The following SASH1 variants were observed in gnomAD, a reference collection of about 807,000 sequenced individuals.
SASH1 encodes SAM and SH3 domain containing 1.
A neutral mutation model predicts 125.2 loss-of-function variants in SASH1; 44 were observed. That is an observed-to-expected ratio of 0.35 (90% confidence interval 0.28 to 0.45). The LOEUF is 0.45. SASH1 is among the 20% of genes least tolerant of loss of function. The pLI is 1.00. For missense variants in SASH1, 1,426 were observed against 1,614.5 expected, an observed-to-expected ratio of 0.88 and a Z score of 2.00; for synonymous variants, 639 against 649.1, an observed-to-expected ratio of 0.98 and a Z score of 0.24.
At chr6:148,384,782 A>G (rs1783293130) in intron 1 of SASH1, among the ~76,000 whole-genome samples, 1 of 152,188 alleles carries the variant, frequency 6.6e-6, no homozygotes, top group Non-Finnish European at 1.5e-5. Context: ...TGCATTTTGA[A>G]TGTATACAAT....
chr6:148,343,308 A>G lies in SASH1; in HGVS notation c.156+85A>G, dbSNP rs1282797657. On this transcript the variant is annotated intron_variant, in intron 1 of 19. Coordinates refer to ENST00000367467, the MANE Select transcript of SASH1 (RefSeq NM_015278.5). ...CCGGGGGCTCCCTTCTCGCCCACCC[A>G]CTGGGCAACCCACTCCGCAGAGGCG... 33 of 1,348,648 alleles carry G rather than the reference A, an allele frequency of 2.4e-5. 1 individual carries two copies. Among genetic ancestry groups the G allele is most frequent in the Non-Finnish European group, 3.1e-5 (30 of 981,210 alleles). The allele number at this position is 1,348,648 out of a possible 1,614,324, so 83.5% of individuals were successfully genotyped here. A position where few individuals can be genotyped will look rare whatever the true frequency, so the allele number is the denominator to read the frequency against.
chr6:148,386,356 C>G (rs1022812667), intron 1 of SASH1, among the ~76,000 whole-genome samples: 2 of 151,964 alleles, frequency 1.3e-5, no homozygotes, highest in African/African-American at 4.8e-5. Flanking sequence ...AGTTTTTTTC[C>G]CAGTGGTCTT....
chr6:148,517,021 G>A (rs564092994), intron 9 of SASH1, among the ~76,000 whole-genome samples: 1 of 152,138 alleles, frequency 6.6e-6, no homozygotes, highest in Non-Finnish European at 1.5e-5. Flanking sequence ...CTGTGTCTTT[G>A]CCACAGAATG....
At chr6:148,253,872 AAAAT>A in the SASH1 span, among the ~76,000 whole-genome samples, 3 of 152,008 alleles carry the variant, frequency 2.0e-5, no homozygotes, top group Non-Finnish European at 2.9e-5. Context: ...CTCTGTCTCA[AAAAT>A]AAATAAATAA....
chr6:148,298,777 A>T (rs954012053), intron 1 of SASH1, among the ~76,000 whole-genome samples: 1 of 145,218 alleles, frequency 6.9e-6, no homozygotes. Context: ...AGAAAAAAGA[A>T]AGAACAAAAG....
the SASH1 span, among the ~76,000 whole-genome samples, chr6:148,244,381 G>T: frequency 6.6e-6 from 1 of 152,214 alleles, no homozygotes; most frequent in East Asian, 1.9e-4. Flanking sequence ...CACAGGCCTT[G>T]GTCTTTCCCA....
At chr6:148,342,574 T>A (rs865904454), upstream of SASH1, 1 of 152,114 alleles carries the variant, frequency 6.6e-6, no homozygotes, top group Non-Finnish European at 1.5e-5. Flanking sequence ...GAGAGAGTCA[T>A]GTGGAGCTGG....
chr6:148,341,161 T>C (rs1017112174), upstream of SASH1, among the ~76,000 whole-genome samples: 1 of 151,970 alleles, frequency 6.6e-6, no homozygotes, highest in Non-Finnish European at 1.5e-5. Context: ...ACTTTTTTTT[T>C]CTTTGGAGAC....
At chr6:148,262,879 A>AAAAG in the SASH1 span, among the ~76,000 whole-genome samples, 1 of 152,190 alleles carries the variant, frequency 6.6e-6, no homozygotes, top group Non-Finnish European at 1.5e-5. Flanking sequence ...GTCTCAAAAG[A>AAAAG]AAAGAAAGAA....
intron 2 of SASH1, among the ~76,000 whole-genome samples, chr6:148,424,937 C>T (rs1401974999): frequency 6.6e-6 from 1 of 152,182 alleles, no homozygotes; most frequent in Admixed American, 6.5e-5. Flanking sequence ...TTAAGAAGCC[C>T]TCCAGGGATT....
chr6:148,385,498 A>T (rs757663542), intron 1 of SASH1, among the ~76,000 whole-genome samples: 5 of 152,136 alleles, frequency 3.3e-5, no homozygotes, highest in Non-Finnish European at 7.4e-5. Flanking sequence ...ATTTTTTTGT[A>T]TGTTAATGAG....
chr6:148,512,004 C>CATTTATTTATTTATTTATTT (rs79447361), intron 8 of SASH1, among the ~76,000 whole-genome samples: 1,461 of 129,080 alleles, frequency 0.011, 29 homozygotes, highest in African/African-American at 0.036. Flanking sequence ...TTGATTTCAA[C>CATTTATTTATTTATTTATTT]ATTTATTTAT....
chr6:148,547,049 TC>T (rs1178024034), intron 19 of SASH1, among the ~76,000 whole-genome samples: 1 of 152,210 alleles, frequency 6.6e-6, no homozygotes, highest in Non-Finnish European at 1.5e-5. Flanking sequence ...GATAGAAGAT[TC>T]GTTTTCACTG....
chr6:148,324,176 AG>A (rs1419591703), intron 1 of SASH1, among the ~76,000 whole-genome samples: 2 of 148,906 alleles, frequency 1.3e-5, no homozygotes, highest in East Asian at 4.0e-4. Context: ...GGCAAATGGG[AG>A]GGCAGCAGGC....
Position 148,427,423 on chromosome 6 carries a change from C to T in SASH1, c.286-12761C>T, listed in dbSNP as rs1339986132. On this transcript the variant is annotated intron_variant, in intron 2 of 19. Transcript: ENST00000367467. ...ATGATTACATTTATATAACATGACA[C>T]TCTGGTGTTTTGTACACTGTAAAAG... is the stretch of plus-strand genomic sequence containing the variant. Among the ~76,000 whole-genome samples the T allele has an allele frequency of 2.6e-5, 4 of 152,272 alleles. No individual in the cohort carries two copies. In the East Asian group the frequency reaches 7.7e-4, roughly 29 times the overall value.
At chr6:148,304,653 C>T (rs1219316655) in intron 1 of SASH1, among the ~76,000 whole-genome samples, 2 of 151,766 alleles carry the variant, frequency 1.3e-5, no homozygotes, top group Non-Finnish European at 2.9e-5. Flanking sequence ...AATCTTCCAC[C>T]TTAAAAAAAG....
chr6:148,320,940 C>T (rs996734960), intron 1 of SASH1, among the ~76,000 whole-genome samples: 21 of 152,210 alleles, frequency 1.4e-4, no homozygotes, highest in African/African-American at 5.1e-4. Flanking sequence ...GTACTTCTTA[C>T]TAACTCAGAT....
chr6:148,423,763 G>C (rs1441172906), intron 2 of SASH1, among the ~76,000 whole-genome samples: 2 of 152,082 alleles, frequency 1.3e-5, no homozygotes, highest in African/African-American at 4.8e-5. Context: ...AAACTGGTCA[G>C]GAAACACTCG....
chr6:148,368,770 G>GCGCGCGCACACACACACACACACACA (rs1554245330), intron 1 of SASH1, among the ~76,000 whole-genome samples: 2 of 135,644 alleles, frequency 1.5e-5, no homozygotes, highest in African/African-American at 5.3e-5. Flanking sequence ...GCACGCGCGC[G>GCGCGCGCACACACACACACACACACA]CACACACACA....
Sources: allele counts gnomAD v4.1 joint callset (sites outside exome capture counted in the v4.1 genomes callset), GRCh38; gene constraint gnomAD v4.1.1; transcripts MANE v1.5; gene names NCBI Gene and HGNC (gene_info 2026-07-23, HGNC 2026-07-21).